STAG1: variants seen among roughly 807,000 people sequenced by gnomAD.
STAG1 encodes STAG1 cohesin complex component.
Under a neutral mutation model 170.9 loss-of-function variants are expected in STAG1, and 26 were observed. The observed-to-expected ratio is 0.15, with a 90% CI of 0.11 to 0.21. STAG1 has a LOEUF of 0.21. Among genes scored for constraint, STAG1 ranks in the 10% least tolerant of loss-of-function variants. The pLI, the probability that STAG1 is intolerant of heterozygous loss-of-function variation, is 1.00. For synonymous variants in STAG1, 514 were observed against 497.7 expected (o/e 1.03, Z -0.44); for missense variants, 964 against 1,509.5 (o/e 0.64, Z 5.99).
chr3:136,369,486 T>C (rs958746358), intron 23 of STAG1, among the ~76,000 whole-genome samples: 2 of 152,206 alleles, frequency 1.3e-5, no homozygotes, highest in African/African-American at 2.4e-5. Flanking sequence ...ATTTAAGACT[T>C]TTCCCAAATA....
At chr3:136,749,798 C>T (rs1935133950) in intron 1 of STAG1, among the ~76,000 whole-genome samples, 2 of 150,872 alleles carry the variant, frequency 1.3e-5, no homozygotes, top group East Asian at 1.9e-4. Context: ...ACTGCAATCA[C>T]AGCTGACACC....
At chr3:136,576,788 A>C (rs552160129) in intron 4 of STAG1, among the ~76,000 whole-genome samples, 1 of 152,184 alleles carries the variant, frequency 6.6e-6, no homozygotes, top group East Asian at 1.9e-4. Context: ...TTCAAATTCT[A>C]TTAGGTTAAG....
rs374059854 is a variant in STAG1 at position 136,433,692 on chromosome 3, G to A, written c.1547-33C>T. On this transcript the variant is annotated intron_variant, in intron 15 of 33. Coordinates refer to ENST00000383202, the MANE Select transcript of STAG1 (RefSeq NM_005862.3). ...AAAACAAAATACATGAGCATGAGTA[G>A]ACAGTTTTACAACAACCATGTATTA... 74 of 1,438,112 alleles carry A rather than the reference G, an allele frequency of 5.1e-5. No individual in the cohort carries two copies. The African/African-American group carries it at 9.5e-4, about 18-fold the overall frequency. 89.1% of individuals were successfully genotyped at this position (1,438,112 alleles called of 1,614,324 possible).
intron 14 of STAG1, among the ~76,000 whole-genome samples, chr3:136,451,075 A>T (rs1370623066): frequency 6.6e-6 from 1 of 152,056 alleles, no homozygotes; most frequent in Non-Finnish European, 1.5e-5. Flanking sequence ...AGCATTTCTA[A>T]ACGAAGAAGT....
Position 136,660,802 on chromosome 3 carries a change from T to TA in STAG1, c.-83-29822dup, listed in dbSNP as rs539754962. On this transcript the variant is annotated intron_variant, in intron 1 of 33. Coordinates refer to ENST00000383202, the MANE Select transcript of STAG1 (RefSeq NM_005862.3). Reference sequence around the variant, plus strand: ...TGGACACATGATGAGACCCAATCTCTAAAAAAAAAATAAAAAATTAGCCAG... The same window carrying TA: ...TGGACACATGATGAGACCCAATCTCTAAAAAAAAAAATAAAAAATTAGCCAG... Among the ~76,000 whole-genome samples, 320 of 147,708 alleles carry TA rather than the reference T, an allele frequency of 2.2e-3. 2 individuals carry two copies. Among genetic ancestry groups the TA allele is most frequent in the Non-Finnish European group, 3.2e-3 (216 of 66,620 alleles).
chr3:136,673,642 T>A (rs545795398), intron 1 of STAG1, among the ~76,000 whole-genome samples: 1 of 152,102 alleles, frequency 6.6e-6, no homozygotes, highest in Non-Finnish European at 1.5e-5. Flanking sequence ...ATAACAATTA[T>A]CTAAAGGGAA....
chr3:136,518,903 G>GA (rs935010357), intron 7 of STAG1, among the ~76,000 whole-genome samples: 7 of 152,140 alleles, frequency 4.6e-5, no homozygotes, highest in Non-Finnish European at 1.0e-4. Context: ...AAGAGACACA[G>GA]AAAGGCAATG....
intron 1 of STAG1, among the ~76,000 whole-genome samples, chr3:136,682,446 A>AAT (rs35792608): frequency 0.19 from 27,111 of 146,160 alleles, 2,936 homozygotes; most frequent in Non-Finnish European, 0.25. Context: ...AAAAAAATAA[A>AAT]ATATATATAT....
chr3:136,371,007 CTCTCCA>C (rs1417750563), intron 23 of STAG1, among the ~76,000 whole-genome samples: 1 of 152,192 alleles, frequency 6.6e-6, no homozygotes, highest in African/African-American at 2.4e-5. Flanking sequence ...TCTCCACATC[CTCTCCA>C]GCACCTGTTG....
intron 1 of STAG1, among the ~76,000 whole-genome samples, chr3:136,746,084 C>T (rs1283928524): frequency 4.6e-5 from 7 of 152,174 alleles, no homozygotes; most frequent in Non-Finnish European, 1.0e-4. Flanking sequence ...GTCCCCTTAA[C>T]CACCAAAATA....
At chr3:136,657,061 A>AT (rs556393054) in intron 1 of STAG1, among the ~76,000 whole-genome samples, 2 of 151,974 alleles carry the variant, frequency 1.3e-5, no homozygotes, top group South Asian at 4.1e-4. Flanking sequence ...ACTTGTGAAT[A>AT]TTTTTTATAC....
chr3:136,736,361 A>G (rs571811323), intron 1 of STAG1: 19 of 719,302 alleles, frequency 2.6e-5, no homozygotes, highest in Non-Finnish European at 4.3e-5. Flanking sequence ...TCGATATTAA[A>G]TTGTATTGAA....
chr3:136,409,440 G>C (rs374665951), intron 21 of STAG1, among the ~76,000 whole-genome samples: 1 of 151,898 alleles, frequency 6.6e-6, no homozygotes, highest in Non-Finnish European at 1.5e-5. Flanking sequence ...AGGTACAAGA[G>C]ATCCTCCCAT....
chr3:136,344,571 C>A (rs1936136006), intron 29 of STAG1, among the ~76,000 whole-genome samples: 1 of 152,024 alleles, frequency 6.6e-6, no homozygotes, highest in African/African-American at 2.4e-5. Context: ...TTCAGGGAAG[C>A]CTTCCCTGAT....
chr3:136,493,496 A>T (rs2090158828), intron 9 of STAG1, among the ~76,000 whole-genome samples: 1 of 152,022 alleles, frequency 6.6e-6, no homozygotes, highest in East Asian at 1.9e-4. Context: ...CTCTACAAAA[A>T]TAACAAAAAT....
chr3:136,389,108 A>C (rs529476696), intron 22 of STAG1, among the ~76,000 whole-genome samples: 75 of 152,188 alleles, frequency 4.9e-4, no homozygotes, highest in Non-Finnish European at 8.1e-4. Context: ...AGCTTAGTGA[A>C]AACATATTTT....
intron 1 of STAG1, among the ~76,000 whole-genome samples, chr3:136,711,482 GC>G (rs1316205013): frequency 6.6e-6 from 1 of 151,914 alleles, no homozygotes; most frequent in Non-Finnish European, 1.5e-5. Flanking sequence ...GATCGTATAA[GC>G]CCAGGAGGTC....
At chr3:136,441,921 G>C (rs2088643816) in intron 15 of STAG1, among the ~76,000 whole-genome samples, 1 of 152,232 alleles carries the variant, frequency 6.6e-6, no homozygotes, top group Non-Finnish European at 1.5e-5. Context: ...ATTTTGGCCA[G>C]ATGCGGTGGC....
intron 5 of STAG1, among the ~76,000 whole-genome samples, chr3:136,554,115 GA>G (rs779346316): frequency 3.3e-5 from 5 of 151,580 alleles, no homozygotes; most frequent in African/African-American, 4.8e-5. Context: ...GACTTTTAGA[GA>G]AAAAAAAGTA....
Sources: gnomAD v4.1 joint callset for allele counts (sites outside exome capture counted in the v4.1 genomes callset) on GRCh38, gnomAD v4.1.1 for gene constraint, MANE v1.5 for transcripts, NCBI Gene and HGNC (gene_info 2026-07-23, HGNC 2026-07-21) for gene names.